PRKAR1B: variants seen among roughly 807,000 people sequenced by gnomAD.
The protein encoded by PRKAR1B is protein kinase cAMP-dependent type I regulatory subunit beta.
PRKAR1B carries 22 observed loss-of-function variants against 46.5 expected under a neutral mutation model. The ratio of observed to expected loss-of-function variants is 0.47; its 90% CI spans 0.34 to 0.68. PRKAR1B has a LOEUF of 0.68. PRKAR1B is among the 30% of genes least tolerant of loss of function. The pLI is 0.01. For synonymous variants in PRKAR1B, 259 were observed against 217.7 expected, an observed-to-expected ratio of 1.19 and a Z score of -1.67; for missense variants, 445 against 535.6, an observed-to-expected ratio of 0.83 and a Z score of 1.67.
intron 2 of PRKAR1B, among the ~76,000 whole-genome samples, chr7:683,979 A>G (rs185347822): frequency 7.0e-6 from 1 of 143,004 alleles, no homozygotes; most frequent in Non-Finnish European, 1.5e-5. Flanking sequence ...CCGTGTGCCA[A>G]TGCCCACTTC....
chr7:600,275 C>A (rs894694429), intron 6 of PRKAR1B, among the ~76,000 whole-genome samples: 1 of 152,244 alleles, frequency 6.6e-6, no homozygotes, highest in Non-Finnish European at 1.5e-5. Context: ...GAAGCCCAGG[C>A]GGGAGGATTG....
intron 4 of PRKAR1B, among the ~76,000 whole-genome samples, chr7:639,556 A>G (rs1425891387): frequency 1.3e-5 from 2 of 152,246 alleles, no homozygotes; most frequent in African/African-American, 4.8e-5. Context: ...CATAATTGAA[A>G]AAAGATAAAA....
intron 4 of PRKAR1B, among the ~76,000 whole-genome samples, chr7:619,983 T>G (rs904998112): frequency 3.3e-5 from 5 of 151,296 alleles, no homozygotes; most frequent in African/African-American, 1.2e-4. Context: ...CCTGAGTAGC[T>G]GGGCCTACAG....
intron 9 of PRKAR1B, among the ~76,000 whole-genome samples, chr7:564,415 C>T (rs1215850869): frequency 4.6e-5 from 7 of 152,258 alleles, no homozygotes; most frequent in Admixed American, 2.0e-4. Flanking sequence ...CCCAGCAATC[C>T]TGGCCCTGTC....
At chr7:683,411 G>A (rs1489169247) in intron 2 of PRKAR1B, among the ~76,000 whole-genome samples, 2 of 152,194 alleles carry the variant, frequency 1.3e-5, no homozygotes, top group Non-Finnish European at 1.5e-5. Context: ...ACCGGTCCAG[G>A]TGGGTGAGGT....
At chr7:650,882 G>T (rs1391739803) in intron 4 of PRKAR1B, among the ~76,000 whole-genome samples, 7 of 152,152 alleles carry the variant, frequency 4.6e-5, no homozygotes, top group Non-Finnish European at 8.8e-5. Flanking sequence ...CGTGCTGGCG[G>T]ATGCCTGCGG....
chr7:551,757 C>G (rs529232232), intron 9 of PRKAR1B, among the ~76,000 whole-genome samples: 16 of 146,512 alleles, frequency 1.1e-4, no homozygotes, highest in African/African-American at 4.1e-4. Flanking sequence ...AAACCCCCAC[C>G]TCCCGCCCGG....
At chr7:603,741 G>A (rs1226772222) in intron 6 of PRKAR1B, among the ~76,000 whole-genome samples, 6 of 140,090 alleles carry the variant, frequency 4.3e-5, no homozygotes, top group African/African-American at 1.7e-4. Context: ...CCAGAGTGGA[G>A]AGGGTGGGGG....
At chr7:708,159 C>G (rs929969567) in intron 2 of PRKAR1B, among the ~76,000 whole-genome samples, 5 of 151,940 alleles carry the variant, frequency 3.3e-5, no homozygotes, top group African/African-American at 1.2e-4. Context: ...AGACATAGAA[C>G]CTTCTCCCAC....
upstream of PRKAR1B, among the ~76,000 whole-genome samples, chr7:728,526 A>G (rs1023718762): frequency 2.0e-5 from 3 of 152,228 alleles, no homozygotes; most frequent in African/African-American, 7.2e-5. Context: ...TGGATTTCAC[A>G]TGGTCCAGAA....
Position 586,609 on chromosome 7 carries a change from C to T in PRKAR1B, c.709-2041G>A, listed in dbSNP as rs1382690392. On this transcript the variant is annotated intron_variant, in intron 7 of 10. Transcript: ENST00000537384. The stretch of plus-strand genomic sequence containing the variant: ...GTTCCAGGCCAGAGCCGAGCAGCTG[C>T]TTCCTCCATGACCCACAGGAAATGG... 3.3e-5 allele frequency among the ~76,000 whole-genome samples: 5 copies of T among 152,216 alleles called. No individual in the cohort carries two copies. In the South Asian group the frequency reaches 1.0e-3, roughly 32 times the overall value.
intron 1 of PRKAR1B, chr7:726,611 G>C (rs1781297312): frequency 1.2e-6 from 1 of 854,654 alleles, no homozygotes; most frequent in East Asian, 3.4e-5. Context: ...CACCGGCGGG[G>C]AGGAAGTAGC....
intron 3 of PRKAR1B, among the ~76,000 whole-genome samples, chr7:680,274 C>A (rs1778590178): frequency 6.6e-6 from 1 of 152,170 alleles, no homozygotes; most frequent in Non-Finnish European, 1.5e-5. Context: ...CGAGTCCCTT[C>A]CCTTCCTGAG....
chr7:584,372 G>A, intron 8 of PRKAR1B, 136 bp downstream of exon 8: 1 of 702,272 alleles, frequency 1.4e-6, no homozygotes, highest in South Asian at 1.7e-5. Context: ...GAGCATGCCT[G>A]TGTGTTGCAC....
chr7:595,480 C>T (rs1781218464), intron 7 of PRKAR1B, among the ~76,000 whole-genome samples: 1 of 152,224 alleles, frequency 6.6e-6, no homozygotes, highest in Non-Finnish European at 1.5e-5. Flanking sequence ...GCACCCAGAA[C>T]AGGGCCTGGC....
intron 2 of PRKAR1B, among the ~76,000 whole-genome samples, chr7:711,126 T>C (rs1015937773): frequency 5.9e-5 from 9 of 152,102 alleles, no homozygotes; most frequent in Admixed American, 6.5e-5. Flanking sequence ...CCTAGAGGCA[T>C]GAATCTCGGG....
At chr7:561,978 C>T (rs929153102) in intron 9 of PRKAR1B, 4 of 152,462 alleles carry the variant, frequency 2.6e-5, no homozygotes, top group African/African-American at 7.2e-5. Context: ...CACTGTCCGT[C>T]CCGGGACCTA....
At chr7:595,016 G>A (rs540195037) in intron 7 of PRKAR1B, among the ~76,000 whole-genome samples, 1 of 152,340 alleles carries the variant, frequency 6.6e-6, no homozygotes, top group Non-Finnish European at 1.5e-5. Context: ...CAGGGAACTG[G>A]GTCCACATCT....
chr7:701,062 T>A (rs577710611), intron 2 of PRKAR1B, among the ~76,000 whole-genome samples: 1 of 151,858 alleles, frequency 6.6e-6, no homozygotes, highest in South Asian at 2.1e-4. Flanking sequence ...GTGGTGCGCA[T>A]CTGCAATCCC....
Sources: allele counts gnomAD v4.1 joint callset (sites outside exome capture counted in the v4.1 genomes callset), GRCh38; gene constraint gnomAD v4.1.1; transcripts MANE v1.5; gene names NCBI Gene and HGNC (gene_info 2026-07-23, HGNC 2026-07-21).